Variants in LIG4 observed in about 807,000 individuals in gnomAD.
The protein encoded by LIG4 is DNA ligase 4, also known as DNA joinase.
LIG4 carries 13 observed loss-of-function variants against 19.0 expected under a neutral mutation model. The observed-to-expected ratio is 0.68, with a 90% CI of 0.44 to 1.09. The LOEUF (loss-of-function observed/expected upper bound fraction) is 1.09. Among genes scored for constraint, LIG4 ranks in the 50% least tolerant of loss-of-function variants. The pLI is 0.00. For missense variants in LIG4, 1,026 were observed against 1,089.7 expected (o/e 0.94, Z 0.82); for synonymous variants, 361 against 358.2 (o/e 1.01, Z -0.09).
chr13:108,209,942 T>C lies in LIG4; in HGVS notation c.1327A>G (p.Arg443Gly). Residue 443 changes from arginine to glycine, a missense_variant, in exon 3 of 3, where the codon AGA becomes GGA. Physicochemically the swap from Arg to Gly is moderately radical, Grantham distance 125 (BLOSUM62 -2). Around this residue, in one of 3 missense-constraint regions of LIG4, gnomAD observed 493 missense variants for 544.5 expected, o/e 0.91. Transcript: ENST00000442234. ...TTAATTTTTAACCACCCTTCACCTCTTTTGTCTGGCTTGTAGATGGATAGA... is the reference window on the plus strand; with the variant it reads ...TTAATTTTTAACCACCCTTCACCTCCTTTGTCTGGCTTGTAGATGGATAGA... Reference protein sequence around the residue: ...QPLSIYKPDKRGEGWLKIKPE... With the variant: ...QPLSIYKPDKGGEGWLKIKPE... 6.2e-7 allele frequency: 1 copy of C among 1,613,982 alleles called. No homozygotes were observed. Among genetic ancestry groups the C allele is most frequent in the Non-Finnish European group, 8.5e-7 (1 of 1,180,006 alleles).
At position 108,208,883 on chromosome 13, in the gene LIG4, T is replaced by C. The variant is rs1479325444; in HGVS notation, c.2386A>G (p.Ile796Val). ...EQTPEEMASL[I>V]ADLEYRYSWD... ...GAATACCGATATTCTAAATCAGCAA[T>C]CAGAGAAGCCATTTCTTCAGGAGTC... Residue 796 changes from isoleucine (I) to valine (V), a missense_variant, in exon 3 of 3, where the codon ATT becomes GTT. Around this residue, in one of 3 missense-constraint regions of LIG4, gnomAD observed 521 missense variants for 515.5 expected, o/e 1.01. Coordinates refer to ENST00000442234, the MANE Select transcript of LIG4 (RefSeq NM_206937.2). 1.2e-6 allele frequency: 2 copies of C among 1,614,092 alleles called. No individual in the cohort carries two copies. The highest frequency in any genetic ancestry group is 1.7e-5 in the Admixed American group (1 of 60,026).
chr13:108,215,471 A>C lies in LIG4; in HGVS notation c.-102+13T>G, dbSNP rs1409561790. 3 of 52,120 alleles carry C rather than the reference A, an allele frequency of 5.8e-5. No individual in the cohort carries two copies. Among genetic ancestry groups the C allele is most frequent in the East Asian group, 6.7e-4 (1 of 1,500 alleles). 3.2% of individuals were successfully genotyped at this position (52,120 alleles called of 1,614,324 possible). ...CCCAACCGCCCCCACCTGCCACCCC[A>C]CACCCTTCCCACCTGACGTCAAGCC... On this transcript the variant is annotated intron_variant, in intron 1 of 2. Transcript: ENST00000442234.
At chr13:108,217,212 C>G (rs1011406792), upstream of LIG4, among the ~76,000 whole-genome samples, 1 of 151,966 alleles carries the variant, frequency 6.6e-6, no homozygotes, top group Non-Finnish European at 1.5e-5. Context: ...ACCCCCGTCT[C>G]TACTAAAAAA....
chr13:108,209,344 T>C lies in LIG4; in HGVS notation c.1925A>G (p.Glu642Gly), dbSNP rs200656683. The change falls in exon 3 of 3, where the codon GAG (glutamate) becomes GGG (glycine). Residue 642 changes from glutamate to glycine, a missense_variant. Physicochemically the swap from Glu to Gly is moderately conservative, Grantham distance 98. Transcript: ENST00000442234. The stretch of plus-strand genomic sequence containing the variant: ...AGTAAGGTTAGGTGCTTTTAAGTGC[T>C]CAATAATTCCAATAACTTTCTTCAT... ...PKMKKVIGII[E>G]HLKAPNLTNV... 2 of 1,614,100 alleles carry C rather than the reference T, an allele frequency of 1.2e-6. No homozygotes were observed. The highest frequency in any genetic ancestry group is 2.2e-5 in the East Asian group (1 of 44,878).
At chr13:108,211,635 G>A (rs1878678625) in intron 2 of LIG4, among the ~76,000 whole-genome samples, 1 of 151,992 alleles carries the variant, frequency 6.6e-6, no homozygotes, top group African/African-American at 2.4e-5. Flanking sequence ...TGCTAATAAT[G>A]GTGACAAAAA....
chr13:108,210,326 T>C lies in LIG4; in HGVS notation c.943A>G (p.Ile315Val). 6.2e-7 allele frequency: 1 copy of C among 1,613,948 alleles called. No homozygotes were observed. The highest frequency in any genetic ancestry group is 8.5e-7 in the Non-Finnish European group (1 of 1,179,886). Reference protein sequence around the residue: ...SPTEGSLTPFIHNAFKADIQI... With the variant: ...SPTEGSLTPFVHNAFKADIQI... ...ATATCTGCTTTGAATGCATTATGAA[T>C]GAATGGGGTAAGAGAACCTTCAGTA... Residue 315 changes from isoleucine to valine, a missense_variant, in exon 3 of 3, where the codon ATT (isoleucine) becomes GTT (valine). By Grantham distance (29) the Ile-to-Val change is conservative. Transcript: ENST00000442234.
chr13:108,217,471 GATCT>G (rs1879366154), upstream of LIG4, among the ~76,000 whole-genome samples: 2 of 152,142 alleles, frequency 1.3e-5, no homozygotes, highest in African/African-American at 4.8e-5. Flanking sequence ...GGTGAGCCGA[GATCT>G]TGCCATTGCA....
In LIG4 at chr13:108,208,799, C is replaced by T; in HGVS notation, c.2470G>A (p.Ala824Thr). The change falls in exon 3 of 3, where the codon GCT (alanine) becomes ACT (threonine). Residue 824 changes from alanine (A) to threonine (T), a missense_variant. Physicochemically the swap from Ala to Thr is moderately conservative, Grantham distance 58 (BLOSUM62 0). Coordinates refer to ENST00000442234, the MANE Select transcript of LIG4 (RefSeq NM_206937.2). ...TTGGTACTCAGGTCATTAATAACAG[C>T]ATACGAGTCCAAATAAACGGTGTGG... ...RRHTVYLDSYAVINDLSTKNE... is the reference protein window; with the variant it reads ...RRHTVYLDSYTVINDLSTKNE... 1 of 1,614,126 alleles carries T rather than the reference C, an allele frequency of 6.2e-7. No homozygotes were observed. The highest frequency in any genetic ancestry group is 1.1e-5 in the South Asian group (1 of 91,084).
At chr13:108,211,336 A>G (rs1215072632) in intron 2 of LIG4, 40 bp from the exon 3 acceptor site, 2 of 1,084,744 alleles carry the variant, frequency 1.8e-6, no homozygotes, top group Admixed American at 3.7e-5. Context: ...GTAAAAGATA[A>G]GATTCAACTA....
At position 108,211,261 on chromosome 13, in the gene LIG4, G is replaced by T. The variant is rs1805389; in HGVS notation, c.8C>A (p.Ala3Asp). Residue 3 changes from alanine (A) to aspartate (D), a missense_variant, in exon 3 of 3, where the codon GCC (alanine) becomes GAC (aspartate). Physicochemically the swap from Ala to Asp is moderately radical, Grantham distance 126. Coordinates refer to ENST00000442234, the MANE Select transcript of LIG4 (RefSeq NM_206937.2). MA[A>D]SQTSQTVASH... ...TGCAACAGTTTGTGAAGTTTGTGAG[G>T]CAGCCATCAAAGCGGTGATGAATCT... 1.2e-6 allele frequency: 2 copies of T among 1,611,038 alleles called. No homozygotes were observed. The highest frequency in any genetic ancestry group is 1.1e-5 in the South Asian group (1 of 91,038).
In LIG4 at chr13:108,210,796, T is replaced by C; in HGVS notation, c.473A>G (p.Asn158Ser). Residue 158 changes from asparagine to serine, a missense_variant, in exon 3 of 3, where the codon AAT becomes AGT. By Grantham distance (46) the Asn-to-Ser change is conservative (BLOSUM62 1). This residue lies in a region of LIG4 where 493 missense variants were observed against 544.5 expected (regional missense o/e 0.91). Coordinates refer to ENST00000442234, the MANE Select transcript of LIG4 (RefSeq NM_206937.2). ...VNDLLDSIAS[N>S]NSAKRKDLIK... ...TAGGTCTTTTCTTTTAGCAGAATTATTGCTGGCAATTGAGTCTAAAAGGTC... is the reference window on the plus strand; with the variant it reads ...TAGGTCTTTTCTTTTAGCAGAATTACTGCTGGCAATTGAGTCTAAAAGGTC... 3 of 1,613,984 alleles carry C rather than the reference T, an allele frequency of 1.9e-6. No individual in the cohort carries two copies. Among genetic ancestry groups the C allele is most frequent in the East Asian group, 2.2e-5 (1 of 44,868 alleles).
chr13:108,217,624 G>A (rs986298969), upstream of LIG4, among the ~76,000 whole-genome samples: 1 of 151,862 alleles, frequency 6.6e-6, no homozygotes, highest in Admixed American at 6.6e-5. Context: ...TTGAACCAGG[G>A]AGGCGGAGGT....
Position 108,210,693 on chromosome 13 carries a change from C to A in LIG4, c.576G>T (p.Lys192Asn). 4 of 1,613,874 alleles carry A rather than the reference C, an allele frequency of 2.5e-6. No individual in the cohort carries two copies. The highest frequency in any genetic ancestry group is 3.4e-6 in the Non-Finnish European group (4 of 1,179,946). The change falls in exon 3 of 3, where the codon AAG becomes AAT. Residue 192 changes from lysine (K) to asparagine (N), a missense_variant. By Grantham distance (94) the Lys-to-Asn change is moderately conservative (BLOSUM62 0). This residue lies in a region of LIG4 where 493 missense variants were observed against 544.5 expected (regional missense o/e 0.91). Transcript: ENST00000442234. ...GCTGACTAACACCAAGCTTTAAATC[C>A]TTTATGATCATCCGTATAAGCCACT... ...EQKWLIRMII[K>N]DLKLGVSQQT... is the part of the protein sequence containing the mutation.
Position 108,208,594 on chromosome 13 carries a change from C to T in LIG4, c.2675G>A (p.Ser892Asn). Residue 892 changes from serine (S) to asparagine (N), a missense_variant, in exon 3 of 3, where the codon AGT becomes AAT. Around this residue, in one of 3 missense-constraint regions of LIG4, gnomAD observed 521 missense variants for 515.5 expected, o/e 1.01. Transcript: ENST00000442234. The part of the protein sequence containing the change: ...FKRKFKILKE[S>N]WVTDSIDKCE... ...CTTGTCTATTGAATCAGTTACCCAA[C>T]TTTCTTTTAGGATTTTAAACTTTCT... The T allele has an allele frequency of 6.2e-7, 1 of 1,613,350 alleles. No homozygotes were observed. The highest frequency in any genetic ancestry group is 8.5e-7 in the Non-Finnish European group (1 of 1,179,588).
chr13:108,211,255 T>C lies in LIG4; in HGVS notation c.14A>G (p.Gln5Arg). Residue 5 changes from glutamine to arginine, a missense_variant, in exon 3 of 3, where the codon CAA becomes CGA. Coordinates refer to ENST00000442234, the MANE Select transcript of LIG4 (RefSeq NM_206937.2). The part of the protein sequence containing the change: MAAS[Q>R]TSQTVASHVP... ...GTGAGATGCAACAGTTTGTGAAGTTTGTGAGGCAGCCATCAAAGCGGTGAT... is the reference window on the plus strand; with the variant it reads ...GTGAGATGCAACAGTTTGTGAAGTTCGTGAGGCAGCCATCAAAGCGGTGAT... 1 of 1,612,298 alleles carries C rather than the reference T, an allele frequency of 6.2e-7. No individual in the cohort carries two copies. Among genetic ancestry groups the C allele is most frequent in the Non-Finnish European group, 8.5e-7 (1 of 1,179,660 alleles).
chr13:108,217,515 C>A (rs1879369408), upstream of LIG4, among the ~76,000 whole-genome samples: 1 of 151,466 alleles, frequency 6.6e-6, no homozygotes, highest in Non-Finnish European at 1.5e-5. Flanking sequence ...AGCGAAACTC[C>A]GTCTCAAAAC....
Position 108,208,697 on chromosome 13 carries a change from C to A in LIG4, c.2572G>T (p.Glu858Ter). ...HGAKVVSCLA[E>*]GVSHVIIGED... ...CCAATTATTACATGAGACACTCCCT[C>A]AGCTAAACAAGAAACTACTTTTGCT... Residue 858 changes from glutamate (E) to a stop codon, truncating the protein, a stop_gained, in exon 3 of 3, where the codon GAG becomes TAG. Coordinates refer to ENST00000442234, the MANE Select transcript of LIG4 (RefSeq NM_206937.2). LOFTEE classifies it high-confidence loss of function. The A allele has an allele frequency of 6.2e-7, 1 of 1,614,182 alleles. No homozygotes were observed. Among genetic ancestry groups the A allele is most frequent in the Non-Finnish European group, 8.5e-7 (1 of 1,180,020 alleles).
At position 108,210,007 on chromosome 13, in the gene LIG4, G is replaced by A. The variant is rs1411131752; in HGVS notation, c.1262C>T (p.Ala421Val). 1 of 1,611,810 alleles carries A rather than the reference G, an allele frequency of 6.2e-7. No homozygotes were observed. The highest frequency in any genetic ancestry group is 1.7e-5 in the Admixed American group (1 of 60,006). Residue 421 changes from alanine to valine, a missense_variant, in exon 3 of 3, where the codon GCA becomes GTA. Physicochemically the swap from Ala to Val is moderately conservative, Grantham distance 64. This residue lies in a region of LIG4 where 493 missense variants were observed against 544.5 expected (regional missense o/e 0.91). Transcript: ENST00000442234. ...KNEVIDALNEAIDKREEGIMV... is the reference protein window; with the variant it reads ...KNEVIDALNEVIDKREEGIMV... ...AATTCCCTCTTCTCTTTTATCTATT[G>A]CTTCATTCAATGCATCAATTACTTC...
chr13:108,215,496 C>T lies in LIG4; in HGVS notation c.-114G>A, dbSNP rs1293284587. 2.8e-5 allele frequency: 4 copies of T among 140,390 alleles called. No individual in the cohort carries two copies. Among genetic ancestry groups the T allele is most frequent in the Non-Finnish European group, 6.2e-5 (4 of 64,736 alleles). The allele number at this position is 140,390 out of a possible 1,614,324, so 8.7% of individuals were successfully genotyped here. A position where few individuals can be genotyped will look rare whatever the true frequency, so the allele number is the denominator to read the frequency against. On this transcript the variant is annotated 5_prime_UTR_variant, in exon 1 of 3. Coordinates refer to ENST00000442234, the MANE Select transcript of LIG4 (RefSeq NM_206937.2). The stretch of plus-strand genomic sequence containing the variant: ...ACACCCTTCCCACCTGACGTCAAGC[C>T]TGAAGCTCAGCCGCTAAGCCGGAAG...
Sources: gnomAD v4.1 joint callset for allele counts (sites outside exome capture counted in the v4.1 genomes callset) on GRCh38, gnomAD v4.1.1 for gene constraint, gnomAD v4.1.1 regional missense constraint, MANE v1.5 for transcripts, NCBI Gene and HGNC (gene_info 2026-07-23, HGNC 2026-07-21) for gene names.